NRXN2: variants seen among roughly 807,000 people sequenced by gnomAD.
NRXN2 encodes neurexin-2-beta.
NRXN2 carries 29 observed loss-of-function variants against 128.8 expected under a neutral mutation model. The ratio of observed to expected loss-of-function variants is 0.23; its 90% CI spans 0.17 to 0.31. The LOEUF (loss-of-function observed/expected upper bound fraction) is 0.31. NRXN2 is among the 10% of genes least tolerant of loss of function. NRXN2 has a pLI of 1.00. For synonymous variants in NRXN2, 1,098 were observed against 1,075.2 expected (o/e 1.02, Z -0.41); for missense variants, 1,881 against 2,452.6 (o/e 0.77, Z 4.92).
intron 19 of NRXN2, among the ~76,000 whole-genome samples, chr11:64,628,920 C>A (rs2043463282): frequency 6.6e-6 from 1 of 152,142 alleles, no homozygotes; most frequent in Admixed American, 6.5e-5. Flanking sequence ...GTCTGTCTGA[C>A]CATACAAATG....
At chr11:64,615,328 T>C (rs1360172986) in intron 22 of NRXN2, among the ~76,000 whole-genome samples, 1 of 152,260 alleles carries the variant, frequency 6.6e-6, no homozygotes, top group Non-Finnish European at 1.5e-5. Context: ...GTTTATAACT[T>C]ACATGAATGA....
chr11:64,651,285 T>C lies in NRXN2; in HGVS notation c.2888A>G (p.Asn963Ser), dbSNP rs755003408. The C allele has an allele frequency of 3.7e-6, 6 of 1,614,172 alleles. No individual in the cohort carries two copies. In the South Asian group the frequency reaches 4.4e-5, roughly 12 times the overall value. Residue 963 changes from asparagine to serine, a missense_variant, in exon 14 of 23, where the codon AAT (asparagine) becomes AGT (serine). Physicochemically the swap from Asn to Ser is conservative, Grantham distance 46 (BLOSUM62 1). Transcript: ENST00000265459. The surrounding 1 kb of genome is among the most constrained non-coding windows in gnomAD (Gnocchi z 5.9). Reference protein sequence around the residue: ...GLLLFNSGNGNDFIVIELVKG... With the variant: ...GLLLFNSGNGSDFIVIELVKG... ...GACCAGCTCGATGACAATGAAGTCA[T>C]TGCCGTTGCCCGAGTTGAACAGAAG... is the stretch of plus-strand genomic sequence containing the variant.
intron 9 of NRXN2, among the ~76,000 whole-genome samples, chr11:64,665,000 AGGCCGGGCGCGGT>A (rs1316144332): frequency 6.7e-6 from 1 of 148,498 alleles, no homozygotes; most frequent in East Asian, 2.0e-4. Context: ...AAAAAAAAAA[AGGCCGGGCGCGGT>A]GGCTCACGCC....
chr11:64,691,289 A>T (rs1273729227), intron 4 of NRXN2, among the ~76,000 whole-genome samples: 2 of 152,154 alleles, frequency 1.3e-5, no homozygotes, highest in African/African-American at 4.8e-5. Context: ...CTCACTCCCT[A>T]CCACCCCACT....
intron 6 of NRXN2, among the ~76,000 whole-genome samples, chr11:64,684,628 C>T (rs1301191837): frequency 6.6e-6 from 1 of 152,044 alleles, no homozygotes; most frequent in Non-Finnish European, 1.5e-5. Context: ...AGCCAAGATC[C>T]TGAGCCTGCT....
chr11:64,617,087 G>A (rs2041646707), intron 22 of NRXN2, among the ~76,000 whole-genome samples: 1 of 152,130 alleles, frequency 6.6e-6, no homozygotes, highest in Non-Finnish European at 1.5e-5. Flanking sequence ...GCACACACAT[G>A]TCTCTTGGAG....
At chr11:64,626,985 A>C (rs1046822605) in intron 19 of NRXN2, among the ~76,000 whole-genome samples, 2 of 152,156 alleles carry the variant, frequency 1.3e-5, no homozygotes, top group African/African-American at 4.8e-5. Context: ...TTCTGCGTTT[A>C]GAGGGCGGTT....
Position 64,713,413 on chromosome 11 carries a change from G to A in NRXN2, c.287C>T (p.Ala96Val), listed in dbSNP as rs751385058. The change falls in exon 2 of 23, where the codon GCC (alanine) becomes GTC (valine). Residue 96 changes from alanine (A) to valine (V), a missense_variant. Transcript: ENST00000265459. ...GTCCAGCTGCAGCGTGGCCGGCTCG[G>A]CGCACGAAAGCGTGAAGCGCAGCCG... ...RLRLRFTLSCAEPATLQLDTP... is the reference protein window; with the variant it reads ...RLRLRFTLSCVEPATLQLDTP... 50 of 1,495,026 alleles carry A rather than the reference G, an allele frequency of 3.3e-5. No homozygotes were observed. Among genetic ancestry groups the A allele is most frequent in the Non-Finnish European group, 7.1e-6 (8 of 1,128,300 alleles). 92.6% of individuals were successfully genotyped at this position (1,495,026 alleles called of 1,614,324 possible). A position where few individuals can be genotyped will look rare whatever the true frequency, so the allele number is the denominator to read the frequency against.
intron 2 of NRXN2, among the ~76,000 whole-genome samples, chr11:64,711,360 G>T (rs1420427620): frequency 6.6e-6 from 1 of 152,220 alleles, no homozygotes; most frequent in East Asian, 1.9e-4. Flanking sequence ...ACACGAGCTG[G>T]AAGAACAGGG....
intron 2 of NRXN2, among the ~76,000 whole-genome samples, chr11:64,701,327 G>A (rs1220281559): frequency 6.6e-6 from 1 of 152,180 alleles, no homozygotes; most frequent in Admixed American, 6.5e-5. Flanking sequence ...AATCCAGGCT[G>A]CAGCCACCCC....
intron 3 of NRXN2, among the ~76,000 whole-genome samples, chr11:64,696,867 A>G (rs1306929198): frequency 6.6e-6 from 1 of 152,186 alleles, no homozygotes; most frequent in African/African-American, 2.4e-5. Context: ...ACAGCCTTCA[A>G]GCCAGGACTA....
At position 64,650,486 on chromosome 11, in the gene NRXN2, G is replaced by T. The variant is rs757534789; in HGVS notation, c.3071C>A (p.Thr1024Lys). Reference sequence around the variant, plus strand: ...GTTTCGGGCGCCATTGGAGTGCTGCGTGACAGTGCGGGAGTCAATCTTGAG... The same window carrying T: ...GTTTCGGGCGCCATTGGAGTGCTGCTTGACAGTGCGGGAGTCAATCTTGAG... The part of the protein sequence containing the change: ...HTLKIDSRTV[T>K]QHSNGARNLD... Residue 1024 changes from threonine (T) to lysine (K), a missense_variant, in exon 15 of 23, where the codon ACG (threonine) becomes AAG (lysine). This residue lies in a region of NRXN2 where 390 missense variants were observed against 599.6 expected (regional missense o/e 0.65). Transcript: ENST00000265459. 3 of 1,614,222 alleles carry T rather than the reference G, an allele frequency of 1.9e-6. No homozygotes were observed. In the South Asian group the frequency reaches 3.3e-5, roughly 18 times the overall value.
intron 4 of NRXN2, among the ~76,000 whole-genome samples, chr11:64,691,662 C>T (rs2053821729): frequency 1.3e-5 from 2 of 152,274 alleles, no homozygotes; most frequent in South Asian, 4.1e-4. Flanking sequence ...ACCCATAGAA[C>T]CAGGCACTGA....
chr11:64,656,557 G>A (rs1045124705), intron 11 of NRXN2, among the ~76,000 whole-genome samples: 2 of 152,116 alleles, frequency 1.3e-5, no homozygotes, highest in Admixed American at 1.3e-4. Flanking sequence ...GGATGCTGAA[G>A]GAGGTAACCC....
At chr11:64,696,725 G>A (rs927356565) in intron 3 of NRXN2, among the ~76,000 whole-genome samples, 1 of 152,034 alleles carries the variant, frequency 6.6e-6, no homozygotes, top group Admixed American at 6.6e-5. Context: ...TGCATCCCTG[G>A]CACTTTCCTC....
rs948721051 is a variant in NRXN2 at position 64,631,480 on chromosome 11, C to T, written c.3586-907G>A. On this transcript the variant is annotated intron_variant, in intron 18 of 22. Coordinates refer to ENST00000265459, the MANE Select transcript of NRXN2 (RefSeq NM_015080.4). This position sits in a 1 kb window ranked among gnomAD's most constrained non-coding sequence, Gnocchi z 4.8. ...GGTGCTAGAGTGGGAGGGAGGGCTTCACCAAACCCTAAATCATGCCAGGCC... is the reference window on the plus strand; with the variant it reads ...GGTGCTAGAGTGGGAGGGAGGGCTTTACCAAACCCTAAATCATGCCAGGCC... Among the ~76,000 whole-genome samples the T allele has an allele frequency of 3.9e-5, 6 of 152,034 alleles. No homozygotes were observed. Among genetic ancestry groups the T allele is most frequent in the African/African-American group, 1.5e-4 (6 of 41,360 alleles).
intron 7 of NRXN2, among the ~76,000 whole-genome samples, chr11:64,668,862 G>A (rs2050246037): frequency 6.6e-6 from 1 of 152,164 alleles, no homozygotes; most frequent in Non-Finnish European, 1.5e-5. Flanking sequence ...AGCCTGAAGG[G>A]TACTTGGAGA....
intron 11 of NRXN2, among the ~76,000 whole-genome samples, chr11:64,657,572 T>G (rs2048442208): frequency 6.6e-6 from 1 of 151,946 alleles, no homozygotes; most frequent in Non-Finnish European, 1.5e-5. Flanking sequence ...GTAGGCAGAG[T>G]GAAGATTCTT....
At chr11:64,687,644 T>G (rs1592121435) in intron 5 of NRXN2, among the ~76,000 whole-genome samples, 2 of 147,854 alleles carry the variant, frequency 1.4e-5, no homozygotes, top group African/African-American at 2.5e-5. Context: ...CGGGGAAGAG[T>G]GGCAAGGAGG....
Sources: gnomAD v4.1 joint callset for allele counts (sites outside exome capture counted in the v4.1 genomes callset) on GRCh38, gnomAD v4.1.1 for gene constraint, gnomAD v4.1.1 regional missense constraint, Gnocchi (gnomAD v3.1) non-coding constraint, MANE v1.5 for transcripts, NCBI Gene and HGNC (gene_info 2026-07-23, HGNC 2026-07-21) for gene names.